ADORA2B: variants seen among roughly 807,000 people sequenced by gnomAD.
The protein encoded by ADORA2B is adenosine receptor A2b.
Under a neutral mutation model 20.8 loss-of-function variants are expected in ADORA2B, and 18 were observed. That is an observed-to-expected ratio of 0.87 (90% confidence interval 0.60 to 1.29). The LOEUF is 1.29. Among genes scored for constraint, ADORA2B ranks in the 50% most tolerant of loss-of-function variants. ADORA2B has a pLI of 0.00. For synonymous variants in ADORA2B, 179 were observed against 178.3 expected, an observed-to-expected ratio of 1.00 and a Z score of -0.03; for missense variants, 441 against 422.7, an observed-to-expected ratio of 1.04 and a Z score of -0.38.
At chr17:15,896,273 T>C in the ADORA2B span, among the ~76,000 whole-genome samples, 4 of 152,084 alleles carry the variant, frequency 2.6e-5, no homozygotes, top group Non-Finnish European at 5.9e-5. Flanking sequence ...CTACCAGAAC[T>C]TGAGATGATA....
the ADORA2B span, among the ~76,000 whole-genome samples, chr17:15,898,276 CTTTTTAT>C: frequency 6.6e-6 from 1 of 151,866 alleles, no homozygotes; most frequent in Non-Finnish European, 1.5e-5. Context: ...GTAATATTTG[CTTTTTAT>C]TTTTTATTTT....
chr17:15,918,477 T>C, the ADORA2B span, among the ~76,000 whole-genome samples: 8 of 152,232 alleles, frequency 5.3e-5, no homozygotes, highest in African/African-American at 1.2e-4. Context: ...ATAATTTCTT[T>C]TTGTTTGTTT....
rs73978574 is a variant in ADORA2B, at chr17:15,975,129, T to C, written c.786T>C (p.Ala262=). 2,576 of 1,614,200 alleles carry C rather than the reference T, an allele frequency of 1.6e-3. 38 individuals are homozygous for C. In the African/African-American group the frequency reaches 0.03, roughly 19 times the overall value. The change falls in exon 2 of 2, where the codon GCT becomes GCC. Residue 262 remains alanine (A), a synonymous_variant. Coordinates refer to ENST00000304222, the MANE Select transcript of ADORA2B (RefSeq NM_000676.4). The stretch of plus-strand genomic sequence containing the variant: ...ACTGTGTCACTCTTTTCCAGCCAGC[T>C]CAGGGTAAAAATAAGCCCAAGTGGG... ...AVNCVTLFQP[A]QGKNKPKWAM... is the part of the protein sequence containing the mutation.
the ADORA2B span, among the ~76,000 whole-genome samples, chr17:15,890,684 C>T: frequency 6.6e-6 from 1 of 152,168 alleles, no homozygotes; most frequent in Non-Finnish European, 1.5e-5. Context: ...ATGGCCAGCT[C>T]ACCAGTTCTC....
intron 1 of ADORA2B, among the ~76,000 whole-genome samples, chr17:15,968,946 C>T (rs566733694): frequency 3.3e-5 from 5 of 152,262 alleles, no homozygotes; most frequent in South Asian, 2.1e-4. Flanking sequence ...GCGGTTCCTC[C>T]CCTGCCTCAG....
chr17:15,859,308 GTTGC>G, the ADORA2B span, among the ~76,000 whole-genome samples: 1,908 of 151,982 alleles, frequency 0.013, 35 homozygotes, highest in African/African-American at 0.043. Flanking sequence ...ATCCCCAGAA[GTTGC>G]TTGTCAACAT....
At chr17:15,922,098 A>AT in the ADORA2B span, among the ~76,000 whole-genome samples, 1 of 152,138 alleles carries the variant, frequency 6.6e-6, no homozygotes, top group African/African-American at 2.4e-5. Context: ...TCAAACATTT[A>AT]TTTTTACTTG....
At chr17:15,938,827 G>A in the ADORA2B span, among the ~76,000 whole-genome samples, 2 of 152,212 alleles carry the variant, frequency 1.3e-5, no homozygotes, top group African/African-American at 2.4e-5. Context: ...ACAGTATTTC[G>A]ACTGTATAAT....
chr17:15,917,565 A>C, the ADORA2B span, among the ~76,000 whole-genome samples: 5 of 152,168 alleles, frequency 3.3e-5, no homozygotes, highest in Non-Finnish European at 7.4e-5. Flanking sequence ...CTGCCCCCGC[A>C]GGCACTGGAG....
In ADORA2B at chr17:15,970,842, C is replaced by CT. The variant is rs1970182036; in HGVS notation, c.336-3835dup. 2.0e-5 allele frequency among the ~76,000 whole-genome samples: 3 copies of CT among 152,176 alleles called. No homozygotes were observed. In the South Asian group the frequency reaches 6.2e-4, roughly 32 times the overall value. ...ATCAGCTTTGTCTCCAGGCTTGTCC[C>CT]TTATGGTCACAGTGTGGCTGCTACA... is the stretch of plus-strand genomic sequence containing the variant. On this transcript the variant is annotated intron_variant, in intron 1 of 1. Transcript: ENST00000304222.
At chr17:15,892,253 C>T in the ADORA2B span, among the ~76,000 whole-genome samples, 1 of 152,128 alleles carries the variant, frequency 6.6e-6, no homozygotes, top group Non-Finnish European at 1.5e-5. Context: ...ACTGCAACCT[C>T]TGCCTCCCAG....
the ADORA2B span, among the ~76,000 whole-genome samples, chr17:15,916,489 G>GA: frequency 6.6e-6 from 1 of 151,344 alleles, no homozygotes; most frequent in Non-Finnish European, 1.5e-5. Flanking sequence ...TCTAAGGGGG[G>GA]TCCGCGTGAG....
At chr17:15,886,245 G>GTATTTTGT in the ADORA2B span, among the ~76,000 whole-genome samples, 11 of 71,786 alleles carry the variant, frequency 1.5e-4, no homozygotes, top group Admixed American at 2.6e-4. Context: ...ATCTTGTAGT[G>GTATTTTGT]GCTCGCCCTT....
chr17:15,901,941 ATGT>A, the ADORA2B span, among the ~76,000 whole-genome samples: 1 of 151,998 alleles, frequency 6.6e-6, no homozygotes, highest in African/African-American at 2.4e-5. Flanking sequence ...GAGTCCATTC[ATGT>A]TGTGGGTGCA....
intron 1 of ADORA2B, among the ~76,000 whole-genome samples, chr17:15,968,401 T>C (rs988276019): frequency 9.9e-5 from 15 of 152,198 alleles, no homozygotes; most frequent in Non-Finnish European, 1.9e-4. Context: ...GAGGTGACTA[T>C]ACATACATAC....
At chr17:15,952,466 G>A (rs927679324) in intron 1 of ADORA2B, among the ~76,000 whole-genome samples, 4 of 152,140 alleles carry the variant, frequency 2.6e-5, no homozygotes, top group African/African-American at 7.2e-5. Context: ...CACGGAAGCC[G>A]GGACTGAGGC....
the ADORA2B span, chr17:15,864,053 A>G: frequency 1.4e-5 from 3 of 208,846 alleles, no homozygotes; most frequent in African/African-American, 6.9e-5. Context: ...CTCTCTAACC[A>G]GTGTGGAAAG....
chr17:15,895,107 C>CT, the ADORA2B span, among the ~76,000 whole-genome samples: 2 of 152,006 alleles, frequency 1.3e-5, no homozygotes, highest in African/African-American at 4.8e-5. Flanking sequence ...CTATGAAGGC[C>CT]TTCAACTGAT....
chr17:15,920,513 G>C, the ADORA2B span, among the ~76,000 whole-genome samples: 13 of 152,288 alleles, frequency 8.5e-5, no homozygotes, highest in South Asian at 2.7e-3. Flanking sequence ...ACAAGGTCAA[G>C]AGATTGAGAC....
Sources: allele counts gnomAD v4.1 joint callset (sites outside exome capture counted in the v4.1 genomes callset), GRCh38; gene constraint gnomAD v4.1.1; transcripts MANE v1.5; gene names NCBI Gene and HGNC (gene_info 2026-07-23, HGNC 2026-07-21).